CCDC186: variants seen among roughly 807,000 people sequenced by gnomAD.
CCDC186 encodes the protein coiled-coil domain-containing protein 186.
CCDC186 carries 49 observed loss-of-function variants against 113.7 expected under a neutral mutation model. The ratio of observed to expected loss-of-function variants is 0.43; its 90% CI spans 0.34 to 0.55. The LOEUF is 0.55. CCDC186 is among the 20% of genes least tolerant of loss of function. CCDC186 has a pLI of 0.02. For synonymous variants in CCDC186, 355 were observed against 345.8 expected, an observed-to-expected ratio of 1.03 and a Z score of -0.30; for missense variants, 890 against 1,011.1, an observed-to-expected ratio of 0.88 and a Z score of 1.62.
chr10:114,166,739 C>G (rs1285858223), intron 1 of CCDC186, among the ~76,000 whole-genome samples: 1 of 152,178 alleles, frequency 6.6e-6, no homozygotes, highest in African/African-American at 2.4e-5. Context: ...AAACAGCATT[C>G]AGTGGATGGA....
In CCDC186 at chr10:114,150,411, T is replaced by C. The variant is rs187921473; in HGVS notation, c.888+681A>G. 5.3e-3 allele frequency among the ~76,000 whole-genome samples: 801 copies of C among 152,286 alleles called. 4 individuals are homozygous for C. The highest frequency in any genetic ancestry group is 9.2e-3 in the Admixed American group (140 of 15,300). ...GTTACAAAAAAGATGTATAGTATCA[T>C]TCCAATCAAATGGGGGAAAAAAGTA... is the stretch of plus-strand genomic sequence containing the variant. On this transcript the variant is annotated intron_variant, in intron 4 of 15. Coordinates refer to ENST00000369287, the MANE Select transcript of CCDC186 (RefSeq NM_018017.4).
rs1407423858 is a variant in CCDC186 at position 114,122,846 on chromosome 10, T to C, written c.*2297A>G. 2.6e-5 allele frequency: 4 copies of C among 152,212 alleles called. No homozygotes were observed. In the East Asian group the frequency reaches 7.7e-4, roughly 29 times the overall value. 9.4% of individuals were successfully genotyped at this position (152,212 alleles called of 1,614,324 possible). The stretch of plus-strand genomic sequence containing the variant: ...TAAAAAATTTCCAGTTTCTAAAATG[T>C]ATAAGGCAAAACAGGTAATAGAGTC... On this transcript the variant is annotated 3_prime_UTR_variant, in exon 16 of 16. Transcript: ENST00000369287.
At chr10:114,172,777 T>C (rs1315055626) in intron 1 of CCDC186, among the ~76,000 whole-genome samples, 2 of 152,182 alleles carry the variant, frequency 1.3e-5, no homozygotes, top group Non-Finnish European at 2.9e-5. Context: ...ACCTAGCCAA[T>C]CATTACTGTT....
intron 3 of CCDC186, among the ~76,000 whole-genome samples, chr10:114,156,486 C>A (rs1049234720): frequency 1.4e-4 from 22 of 152,130 alleles, no homozygotes; most frequent in Non-Finnish European, 3.1e-4. Context: ...ACTGGGAGGC[C>A]AGGCCAAGGC....
chr10:114,164,102 G>GTGTGTA (rs1386565625), intron 1 of CCDC186, among the ~76,000 whole-genome samples: 57 of 101,126 alleles, frequency 5.6e-4, no homozygotes, highest in South Asian at 2.2e-3. Context: ...GTGTGTGTGT[G>GTGTGTA]TATATATATA....
At chr10:114,158,431 T>C (rs2032072993) in intron 2 of CCDC186, among the ~76,000 whole-genome samples, 1 of 152,218 alleles carries the variant, frequency 6.6e-6, no homozygotes, top group African/African-American at 2.4e-5. Context: ...GCAATAGCTG[T>C]AACCTAACAT....
In CCDC186 at chr10:114,125,166, C is replaced by G; in HGVS notation, c.2674G>C (p.Glu892Gln). ...ERLIKHQHELEQRTKKT is the reference protein window; with the variant it reads ...ERLIKHQHELQQRTKKT ...TTTTAGGTTTTCTTTGTCCTCTGTT[C>G]TAGTTCATGCTGGTGTTTAATAAGA... Residue 892 changes from glutamate to glutamine, a missense_variant, in exon 16 of 16, where the codon GAA becomes CAA. Transcript: ENST00000369287. 6.2e-7 allele frequency: 1 copy of G among 1,609,760 alleles called. No individual in the cohort carries two copies. The highest frequency in any genetic ancestry group is 8.5e-7 in the Non-Finnish European group (1 of 1,177,972).
In CCDC186 at chr10:114,145,539, C is replaced by T. The variant is rs755640884; in HGVS notation, c.1101+10G>A. On this transcript the variant is annotated intron_variant, in intron 5 of 15. Coordinates refer to ENST00000369287, the MANE Select transcript of CCDC186 (RefSeq NM_018017.4). ...TAAGGTCAACATATTTCAAATGGCA[C>T]AAGTTATACCTTAGTTTCATACAGC... 2 of 1,573,620 alleles carry T rather than the reference C, an allele frequency of 1.3e-6. No individual in the cohort carries two copies. Among genetic ancestry groups the T allele is most frequent in the Non-Finnish European group, 1.7e-6 (2 of 1,166,494 alleles).
intron 3 of CCDC186, 95 bp from the exon 4 acceptor site, chr10:114,151,315 G>T (rs2031851132): frequency 4.5e-6 from 4 of 884,970 alleles, no homozygotes; most frequent in South Asian, 1.9e-5. Context: ...TAAACATAAA[G>T]AATACAATGA....
At chr10:114,164,865 G>A (rs1023276906) in intron 1 of CCDC186, among the ~76,000 whole-genome samples, 1 of 152,212 alleles carries the variant, frequency 6.6e-6, no homozygotes, top group African/African-American at 2.4e-5. Context: ...TTCCATAGAA[G>A]GCTAAGCAGG....
chr10:114,130,207 C>T (rs919634244), intron 12 of CCDC186: 22 of 301,112 alleles, frequency 7.3e-5, no homozygotes, highest in African/African-American at 3.3e-4. Flanking sequence ...CACTTAATTA[C>T]AGTGGAGTTA....
chr10:114,154,760 C>T (rs1321935221), intron 3 of CCDC186, among the ~76,000 whole-genome samples: 1 of 152,206 alleles, frequency 6.6e-6, no homozygotes, highest in Non-Finnish European at 1.5e-5. Flanking sequence ...TAAAAACTAG[C>T]ACGTGAATGT....
rs1040181718 is a variant in CCDC186, at chr10:114,121,243, A to G, written c.*3900T>C. The G allele has an allele frequency of 6.6e-6, 1 of 152,222 alleles. No individual in the cohort carries two copies. Among genetic ancestry groups the G allele is most frequent in the African/African-American group, 2.4e-5 (1 of 41,462 alleles). The allele number at this position is 152,222 out of a possible 1,614,324, so 9.4% of individuals were successfully genotyped here. A position where few individuals can be genotyped will look rare whatever the true frequency, so the allele number is the denominator to read the frequency against. On this transcript the variant is annotated 3_prime_UTR_variant, in exon 16 of 16. Coordinates refer to ENST00000369287, the MANE Select transcript of CCDC186 (RefSeq NM_018017.4). ...ACCAACTGGTGTTAATTAAAAATCA[A>G]CAATCTTGGTGTCAAAAAAAATTGC...
chr10:114,141,032 A>C (rs1353634447), intron 6 of CCDC186, among the ~76,000 whole-genome samples: 2 of 151,838 alleles, frequency 1.3e-5, no homozygotes, highest in Admixed American at 1.3e-4. Context: ...CTAGGACTAC[A>C]GGCATACACC....
intron 1 of CCDC186, among the ~76,000 whole-genome samples, chr10:114,170,118 G>A (rs1486416668): frequency 6.6e-6 from 1 of 152,030 alleles, no homozygotes; most frequent in Non-Finnish European, 1.5e-5. Flanking sequence ...AAGAACTTGT[G>A]TATGAAACAT....
At chr10:114,169,726 C>A (rs929585764) in intron 1 of CCDC186, among the ~76,000 whole-genome samples, 3 of 152,306 alleles carry the variant, frequency 2.0e-5, no homozygotes, top group Admixed American at 1.3e-4. Flanking sequence ...AAAAGAATAA[C>A]ATCTTTCTGA....
intron 12 of CCDC186, 28 bp from the exon 13 acceptor site, chr10:114,129,999 C>A: frequency 6.2e-7 from 1 of 1,601,258 alleles, no homozygotes; most frequent in African/African-American, 1.3e-5. Context: ...TTATTCGTCA[C>A]AATTATCAGG....
chr10:114,158,801 G>T (rs1464354634), intron 2 of CCDC186, among the ~76,000 whole-genome samples: 1 of 152,154 alleles, frequency 6.6e-6, no homozygotes, highest in Non-Finnish European at 1.5e-5. Context: ...TTTTGTTTTG[G>T]ATCCAGGTAT....
intron 6 of CCDC186, among the ~76,000 whole-genome samples, chr10:114,144,259 C>T (rs1321153232): frequency 6.6e-6 from 1 of 152,072 alleles, no homozygotes; most frequent in Non-Finnish European, 1.5e-5. Context: ...CATCCCACCC[C>T]ATTTAATATG....
Sources: gnomAD v4.1 joint callset for allele counts (sites outside exome capture counted in the v4.1 genomes callset) on GRCh38, gnomAD v4.1.1 for gene constraint, MANE v1.5 for transcripts, NCBI Gene and HGNC (gene_info 2026-07-23, HGNC 2026-07-21) for gene names.